Variants in LDLRAD4 observed in about 807,000 individuals in gnomAD.
LDLRAD4 encodes the protein low-density lipoprotein receptor class A domain-containing protein 4.
LDLRAD4 carries 5 observed loss-of-function variants against 17.0 expected under a neutral mutation model. The ratio of observed to expected loss-of-function variants is 0.29; its 90% CI spans 0.15 to 0.62. The LOEUF (loss-of-function observed/expected upper bound fraction) is 0.62. LDLRAD4 is among the 20% of genes least tolerant of loss of function. The probability of loss-of-function intolerance (pLI) is 0.84; values close to 1 mark genes in which losing one functional copy is unlikely to be tolerated. For missense variants in LDLRAD4, 340 were observed against 424.7 expected (o/e 0.80, Z 1.75); for synonymous variants, 168 against 171.8 (o/e 0.98, Z 0.17).
rs187005223 is a variant in LDLRAD4 at position 13,286,459 on chromosome 18, A to G, written c.-383+8271A>G. On this transcript the variant is annotated intron_variant, in intron 1 of 5. Coordinates refer to ENST00000359446, the Ensembl canonical transcript of LDLRAD4. The stretch of plus-strand genomic sequence containing the variant: ...ACAATCATAGCTCACTGCAGCCTCA[A>G]CTTACTGGTTCAAGCAATCTTCCTG... 9.2e-5 allele frequency among the ~76,000 whole-genome samples: 14 copies of G among 152,298 alleles called. No individual in the cohort carries two copies. In the East Asian group the frequency reaches 2.3e-3, roughly 25 times the overall value.
intron 3 of LDLRAD4, among the ~76,000 whole-genome samples, chr18:13,443,867 G>A (rs1336370150): frequency 6.6e-6 from 1 of 152,180 alleles, no homozygotes; most frequent in Non-Finnish European, 1.5e-5. Context: ...CACGTGGTAG[G>A]TAATGCAGAG....
chr18:13,245,991 G>A (rs1269379417), intron 1 of LDLRAD4, among the ~76,000 whole-genome samples: 1 of 152,248 alleles, frequency 6.6e-6, no homozygotes, highest in Non-Finnish European at 1.5e-5. Context: ...GTATCTGCCT[G>A]GAATTACAAG....
intron 3 of LDLRAD4, among the ~76,000 whole-genome samples, chr18:13,599,855 T>G (rs2095140608): frequency 6.6e-6 from 1 of 152,238 alleles, no homozygotes; most frequent in African/African-American, 2.4e-5. Flanking sequence ...TGTGGACAAG[T>G]CATGTTTTTC....
At chr18:13,607,677 T>C (rs1442212408) in intron 3 of LDLRAD4, among the ~76,000 whole-genome samples, 6 of 152,130 alleles carry the variant, frequency 3.9e-5, no homozygotes, top group African/African-American at 1.4e-4. Flanking sequence ...CTCCCACTTA[T>C]GAGTGAGAAC....
Position 13,645,300 on chromosome 18 carries a change from C to T in LDLRAD4, c.564C>T (p.Thr188=). 6.2e-7 allele frequency: 1 copy of T among 1,614,218 alleles called. No individual in the cohort carries two copies. The highest frequency in any genetic ancestry group is 1.1e-5 in the South Asian group (1 of 91,090). The change falls in exon 6 of 6, where the codon ACC becomes ACT. Residue 188 remains threonine, a synonymous_variant. Coordinates refer to ENST00000359446, the Ensembl canonical transcript of LDLRAD4. The surrounding 1 kb of genome is among the most constrained non-coding windows in gnomAD (Gnocchi z 5.7). ...CACCTCCTTACCAGGGGCCCTGCAC[C>T]CTGCAGCTCCGGGACCCTGAACAGC...
intron 1 of LDLRAD4, among the ~76,000 whole-genome samples, chr18:13,299,944 T>C (rs915971423): frequency 5.3e-5 from 8 of 152,320 alleles, no homozygotes; most frequent in Middle Eastern, 6.8e-3. Context: ...AGGGTCCTCA[T>C]GTCTGGAGGA....
intron 3 of LDLRAD4, among the ~76,000 whole-genome samples, chr18:13,594,400 C>G (rs2095065637): frequency 6.6e-6 from 1 of 152,040 alleles, no homozygotes; most frequent in Non-Finnish European, 1.5e-5. Flanking sequence ...TGCTGAAATA[C>G]TAGTGAGGGG....
chr18:13,450,890 G>C (rs1465331912), intron 3 of LDLRAD4, among the ~76,000 whole-genome samples: 1 of 152,172 alleles, frequency 6.6e-6, no homozygotes, highest in Admixed American at 6.5e-5. Context: ...GGGGAGGGGA[G>C]GGCTGACTTT....
intron 3 of LDLRAD4, among the ~76,000 whole-genome samples, chr18:13,448,628 G>C (rs148686868): frequency 1.3e-5 from 2 of 152,138 alleles, no homozygotes; most frequent in Non-Finnish European, 2.9e-5. Context: ...GAGATATTGA[G>C]GTAAAGATGA....
intron 4 of LDLRAD4, among the ~76,000 whole-genome samples, chr18:13,630,263 T>C (rs1480037288): frequency 6.6e-6 from 1 of 152,080 alleles, no homozygotes; most frequent in Non-Finnish European, 1.5e-5. Context: ...ATCTGAGAAG[T>C]CTGATGATGG....
intron 4 of LDLRAD4, among the ~76,000 whole-genome samples, chr18:13,639,005 CAAGGAAATAG>C (rs2042302274): frequency 6.6e-6 from 1 of 152,174 alleles, no homozygotes; most frequent in South Asian, 2.1e-4. Flanking sequence ...GTTGTTATTA[CAAGGAAATAG>C]CCTACAAGAC....
At chr18:13,355,003 G>A (rs1030920548) in intron 1 of LDLRAD4, among the ~76,000 whole-genome samples, 1 of 152,212 alleles carries the variant, frequency 6.6e-6, no homozygotes, top group Admixed American at 6.5e-5. Context: ...AATGAATGGA[G>A]AGAGGTGCTT....
intron 1 of LDLRAD4, among the ~76,000 whole-genome samples, chr18:13,341,947 A>G (rs896940662): frequency 6.6e-5 from 10 of 152,048 alleles, no homozygotes; most frequent in African/African-American, 2.4e-4. Context: ...AAAATCATGA[A>G]TGGTGTTGAA....
intron 3 of LDLRAD4, among the ~76,000 whole-genome samples, chr18:13,551,971 G>A (rs1382457911): frequency 2.0e-5 from 3 of 152,124 alleles, no homozygotes; most frequent in Non-Finnish European, 2.9e-5. Flanking sequence ...GGGAGCAAGA[G>A]GGTGACAGGG....
chr18:13,229,408 G>C (rs2041961346), intron 1 of LDLRAD4, among the ~76,000 whole-genome samples: 1 of 152,216 alleles, frequency 6.6e-6, no homozygotes, highest in Non-Finnish European at 1.5e-5. Flanking sequence ...TATGTATGCA[G>C]ATCAGGTGGG....
intron 3 of LDLRAD4, among the ~76,000 whole-genome samples, chr18:13,553,680 C>T (rs1268353180): frequency 1.3e-5 from 2 of 152,164 alleles, no homozygotes; most frequent in African/African-American, 2.4e-5. Flanking sequence ...TTTCCTGATG[C>T]GGGCTTCCTG....
At chr18:13,259,985 A>T (rs2043724699) in intron 1 of LDLRAD4, among the ~76,000 whole-genome samples, 1 of 152,256 alleles carries the variant, frequency 6.6e-6, no homozygotes, top group Non-Finnish European at 1.5e-5. Context: ...TGGTCTGTCC[A>T]GCCTCGGTTC....
chr18:13,398,867 A>G lies in LDLRAD4; in HGVS notation c.40+11105A>G, dbSNP rs140725045. Among the ~76,000 whole-genome samples, 1 of 152,258 alleles carries G rather than the reference A, an allele frequency of 6.6e-6. No individual in the cohort carries two copies. The highest frequency in any genetic ancestry group is 1.5e-5 in the Non-Finnish European group (1 of 68,002). On this transcript the variant is annotated intron_variant, in intron 2 of 5. Coordinates refer to ENST00000359446, the Ensembl canonical transcript of LDLRAD4. This position sits in a 1 kb window ranked among gnomAD's most constrained non-coding sequence, Gnocchi z 4.8. ...CCTGGGACTCACTTCCCTACGGGGC[A>G]TTGGTTCCAGTATTGTGTCCACTCT...
intron 1 of LDLRAD4, among the ~76,000 whole-genome samples, chr18:13,352,504 A>G (rs1250413232): frequency 1.3e-5 from 2 of 152,090 alleles, no homozygotes; most frequent in Non-Finnish European, 1.5e-5. Context: ...ATGATGGTTC[A>G]CTTCTCTCAG....
Sources: allele counts gnomAD v4.1 joint callset (sites outside exome capture counted in the v4.1 genomes callset), GRCh38; gene constraint gnomAD v4.1.1; non-coding constraint Gnocchi (gnomAD v3.1); transcripts MANE v1.5; gene names NCBI Gene and HGNC (gene_info 2026-07-23, HGNC 2026-07-21).